The following CPNE2 variants were observed in gnomAD, a reference collection of about 807,000 sequenced individuals.
CPNE2 encodes copine-2.
CPNE2 carries 42 observed loss-of-function variants against 69.7 expected under a neutral mutation model. The ratio of observed to expected loss-of-function variants is 0.60; its 90% CI spans 0.47 to 0.78. The LOEUF is 0.78. Ranked by LOEUF, CPNE2 falls within the 30% of genes least tolerant of loss-of-function variation. The pLI is 0.00. For missense variants in CPNE2, 587 were observed against 732.0 expected (o/e 0.80, Z 2.29); for synonymous variants, 294 against 289.8 (o/e 1.01, Z -0.15).
At chr16:57,132,963 C>T (rs767680715) in intron 12 of CPNE2, among the ~76,000 whole-genome samples, 1 of 152,060 alleles carries the variant, frequency 6.6e-6, no homozygotes, top group Non-Finnish European at 1.5e-5. Flanking sequence ...GCGGGGGGCC[C>T]GAGAAGGCAA....
rs1250660611 is a variant in CPNE2, at chr16:57,123,404, T to A, written c.868-10T>A. ...CAAGGGGACCCACTGACTCATCCGC[T>A]TTCTTCCAGATAAACCGAGACTACT... On this transcript the variant is annotated splice_polypyrimidine_tract_variant and intron_variant, in intron 9 of 15. Transcript: ENST00000290776. The A allele has an allele frequency of 6.2e-7, 1 of 1,612,696 alleles. No homozygotes were observed. Among genetic ancestry groups the A allele is most frequent in the South Asian group, 1.1e-5 (1 of 91,086 alleles).
At chr16:57,121,792 G>A in intron 9 of CPNE2, 32 bp downstream of exon 9, 1 of 1,604,362 alleles carries the variant, frequency 6.2e-7, no homozygotes, top group Non-Finnish European at 8.5e-7. Context: ...CGAGCCAGGG[G>A]CCAGGTTTCA....
At chr16:57,101,931 G>A (rs925537764) in intron 1 of CPNE2, among the ~76,000 whole-genome samples, 5 of 151,870 alleles carry the variant, frequency 3.3e-5, no homozygotes, top group Non-Finnish European at 5.9e-5. Context: ...GGTGGGCCCA[G>A]CGTGCTGCAT....
At chr16:57,093,046 G>C (rs1251656796) in intron 1 of CPNE2, among the ~76,000 whole-genome samples, 3 of 152,134 alleles carry the variant, frequency 2.0e-5, no homozygotes, top group South Asian at 4.1e-4. Flanking sequence ...GGGGAGGGGG[G>C]CGCCCTCGGG....
Position 57,110,838 on chromosome 16 carries a change from C to G in CPNE2, c.96C>G (p.Gly32=). Residue 32 remains glycine, a synonymous_variant, in exon 2 of 16, where the codon GGC becomes GGG. Transcript: ENST00000290776. The part of the protein sequence containing the change: ...CVCKVELSVS[G]QNLLDRDVTS... The stretch of plus-strand genomic sequence containing the variant: ...GCAAGGTGGAGCTGTCAGTGAGTGG[C>G]CAGAACCTACTGGACCGGGATGTTA... The G allele has an allele frequency of 1.9e-6, 3 of 1,613,982 alleles. No individual in the cohort carries two copies. The highest frequency in any genetic ancestry group is 2.5e-6 in the Non-Finnish European group (3 of 1,179,926).
intron 12 of CPNE2, 149 bp from the exon 13 acceptor site, chr16:57,134,626 T>G: frequency 4.1e-5 from 31 of 750,680 alleles, no homozygotes; most frequent in Non-Finnish European, 4.8e-5. Flanking sequence ...GAAAAGCAGA[T>G]GTGGGGGGTA....
Position 57,121,019 on chromosome 16 carries a change from T to C in CPNE2, c.682-74T>C, listed in dbSNP as rs576416915. ...CCCAAACAGAAGACAGAGGGTTTGC[T>C]TGGGGAGTTGAGAGGGGCTGGAGAG... On this transcript the variant is annotated intron_variant, in intron 7 of 15. Transcript: ENST00000290776. 4.9e-5 allele frequency: 54 copies of C among 1,097,566 alleles called. No homozygotes were observed. The Admixed American group carries it at 1.0e-3, about 20-fold the overall frequency. 68.0% of individuals were successfully genotyped at this position (1,097,566 alleles called of 1,614,324 possible).
At chr16:57,125,740 G>A (rs2069796106) in intron 10 of CPNE2, 120 bp from the exon 11 acceptor site, 1 of 1,229,062 alleles carries the variant, frequency 8.1e-7, no homozygotes, top group South Asian at 1.5e-5. Flanking sequence ...ATCTTATTGT[G>A]GGGAGGGCTG....
At chr16:57,137,822 G>A (rs770824781) in intron 14 of CPNE2, among the ~76,000 whole-genome samples, 15 of 152,116 alleles carry the variant, frequency 9.9e-5, no homozygotes, top group Non-Finnish European at 1.6e-4. Context: ...CCCTTCTCCC[G>A]CCCCCAGCTG....
chr16:57,146,401 G>A lies in CPNE2; in HGVS notation c.1539+80G>A. On this transcript the variant is annotated intron_variant, in intron 15 of 15. Transcript: ENST00000290776. The surrounding 1 kb of genome is among the most constrained non-coding windows in gnomAD (Gnocchi z 4.4). Reference sequence around the variant, plus strand: ...CTCATAATCAAGCTTGAGAGTCTTGGGGTTGTCTGGCCCAATCCTAGACTT... The same window carrying A: ...CTCATAATCAAGCTTGAGAGTCTTGAGGTTGTCTGGCCCAATCCTAGACTT... The A allele has an allele frequency of 8.0e-7, 1 of 1,254,204 alleles. No individual in the cohort carries two copies. The highest frequency in any genetic ancestry group is 1.1e-6 in the Non-Finnish European group (1 of 901,214). 77.7% of individuals were successfully genotyped at this position (1,254,204 alleles called of 1,614,324 possible).
chr16:57,124,491 C>G (rs765188889), intron 10 of CPNE2: 14 of 400,530 alleles, frequency 3.5e-5, no homozygotes, highest in Admixed American at 2.2e-4. Context: ...TAAGTGTGGG[C>G]ACTTTGTTTA....
intron 14 of CPNE2, chr16:57,142,832 T>C (rs969720834): frequency 6.6e-6 from 1 of 152,222 alleles, no homozygotes; most frequent in African/African-American, 2.4e-5. Context: ...TGCCTGGAAC[T>C]GTTGTGGTCA....
chr16:57,111,113 TG>T (rs5817088), intron 2 of CPNE2, among the ~76,000 whole-genome samples, 191 bp downstream of exon 2: 84,034 of 150,994 alleles, frequency 0.56, 24,948 homozygotes, highest in African/African-American at 0.77. Flanking sequence ...AATATTACTT[TG>T]TGTTTAAATT....
intron 9 of CPNE2, among the ~76,000 whole-genome samples, chr16:57,122,074 C>T (rs760773374): frequency 6.6e-6 from 1 of 152,232 alleles, no homozygotes; most frequent in South Asian, 2.1e-4. Context: ...TTGCTGCCGC[C>T]CACGGTGGGC....
Position 57,115,459 on chromosome 16 carries a change from T to G in CPNE2, c.361-17T>G. 1 of 1,601,454 alleles carries G rather than the reference T, an allele frequency of 6.2e-7. No individual in the cohort carries two copies. The highest frequency in any genetic ancestry group is 8.5e-7 in the Non-Finnish European group (1 of 1,172,710). On this transcript the variant is annotated splice_polypyrimidine_tract_variant and intron_variant, in intron 3 of 15. Transcript: ENST00000290776. ...CCCCGCTTCCTCACTGAGCGCCCTTTCTCCTCTCTCCCCTAGATCGTCTCC... is the reference window on the plus strand; with the variant it reads ...CCCCGCTTCCTCACTGAGCGCCCTTGCTCCTCTCTCCCCTAGATCGTCTCC...
At position 57,146,291 on chromosome 16, in the gene CPNE2, G is replaced by A; in HGVS notation, c.1509G>A (p.Val503=). The change falls in exon 15 of 16, where the codon GTG becomes GTA. Residue 503 remains valine (V), a synonymous_variant. Transcript: ENST00000290776. This position sits in a 1 kb window ranked among gnomAD's most constrained non-coding sequence, Gnocchi z 4.4. The stretch of plus-strand genomic sequence containing the variant: ...GGGAGGAGGCAGCCCGCGATATTGT[G>A]CAGTTCGTTCCCTTTCGAGAGTTCC... ...HTGEEAARDI[V]QFVPFREFRN... is the part of the protein sequence containing the mutation. The A allele has an allele frequency of 6.4e-7, 1 of 1,554,818 alleles. No homozygotes were observed. Among genetic ancestry groups the A allele is most frequent in the Non-Finnish European group, 8.7e-7 (1 of 1,148,504 alleles).
chr16:57,109,810 A>G (rs918699309), intron 1 of CPNE2, among the ~76,000 whole-genome samples: 2 of 152,018 alleles, frequency 1.3e-5, no homozygotes, highest in African/African-American at 2.4e-5. Context: ...CTGACCTCCT[A>G]TCTCATCCTG....
At chr16:57,102,022 C>G (rs988577710) in intron 1 of CPNE2, among the ~76,000 whole-genome samples, 6 of 151,638 alleles carry the variant, frequency 4.0e-5, no homozygotes, top group African/African-American at 1.5e-4. Context: ...TCACGGCTCA[C>G]TGCAGCCTTG....
intron 12 of CPNE2, among the ~76,000 whole-genome samples, chr16:57,132,793 C>T (rs1156664937): frequency 2.0e-5 from 3 of 152,142 alleles, no homozygotes; most frequent in African/African-American, 7.2e-5. Context: ...TGGGCACTCC[C>T]TGGCCCTCTG....
Sources: gnomAD v4.1 joint callset for allele counts (sites outside exome capture counted in the v4.1 genomes callset) on GRCh38, gnomAD v4.1.1 for gene constraint, Gnocchi (gnomAD v3.1) non-coding constraint, MANE v1.5 for transcripts, NCBI Gene and HGNC (gene_info 2026-07-23, HGNC 2026-07-21) for gene names.